TMOD3: variants seen among roughly 807,000 people sequenced by gnomAD.
TMOD3 encodes the protein tropomodulin 3, also known as tropomodulin-3.
Under a neutral mutation model 39.2 loss-of-function variants are expected in TMOD3, and 20 were observed. That is an observed-to-expected ratio of 0.51 (90% CI 0.36 to 0.74). The LOEUF (loss-of-function observed/expected upper bound fraction) is 0.74, where lower values mean the gene tolerates loss of function less well. Among genes scored for constraint, TMOD3 ranks in the 30% least tolerant of loss-of-function variants. TMOD3 has a pLI of 0.00. For missense variants in TMOD3, 381 were observed against 412.8 expected (o/e 0.92, Z 0.67); for synonymous variants, 143 against 145.8 (o/e 0.98, Z 0.14).
At chr15:51,897,633 C>T (rs1236586446) in intron 7 of TMOD3, among the ~76,000 whole-genome samples, 2 of 150,990 alleles carry the variant, frequency 1.3e-5, no homozygotes, top group Admixed American at 6.6e-5. Context: ...TACAGGCATG[C>T]GCCACCACGC....
chr15:51,859,318 C>A, intron 1 of TMOD3: 1 of 726,254 alleles, frequency 1.4e-6, no homozygotes, highest in Admixed American at 1.8e-5. Flanking sequence ...TTCAATGGTT[C>A]CTTGATACAA....
At chr15:51,860,645 T>C in intron 1 of TMOD3, 1 of 532,614 alleles carries the variant, frequency 1.9e-6, no homozygotes. Flanking sequence ...TACAAAAAAC[T>C]ACATAGGAGG....
At chr15:51,896,726 C>T (rs936296596) in intron 7 of TMOD3, among the ~76,000 whole-genome samples, 200 bp downstream of exon 7, 2 of 152,044 alleles carry the variant, frequency 1.3e-5, no homozygotes, top group East Asian at 1.9e-4. Context: ...CCAGCTTCCC[C>T]CTCCTTCCTA....
intron 1 of TMOD3, among the ~76,000 whole-genome samples, chr15:51,852,856 T>A (rs910437504): frequency 6.6e-6 from 1 of 152,192 alleles, no homozygotes; most frequent in Non-Finnish European, 1.5e-5. Context: ...GAGAGACAGG[T>A]GAAAGACTAA....
chr15:51,855,318 G>C (rs979819183), intron 1 of TMOD3, among the ~76,000 whole-genome samples: 15 of 152,202 alleles, frequency 9.9e-5, no homozygotes, highest in Non-Finnish European at 1.5e-4. Flanking sequence ...GCCCACCCCA[G>C]ACCTACTCAA....
intron 3 of TMOD3, among the ~76,000 whole-genome samples, chr15:51,874,098 G>A (rs937956403): frequency 1.3e-5 from 2 of 152,164 alleles, no homozygotes; most frequent in African/African-American, 4.8e-5. Flanking sequence ...CAGGACAGGA[G>A]GGAATCCTCA....
chr15:51,878,300 G>A (rs1422346272), intron 3 of TMOD3, among the ~76,000 whole-genome samples: 2 of 152,136 alleles, frequency 1.3e-5, no homozygotes, highest in Non-Finnish European at 2.9e-5. Flanking sequence ...GGGAGGCTGA[G>A]GCAGGAGGAT....
At chr15:51,863,632 G>C (rs2056430232) in intron 2 of TMOD3, among the ~76,000 whole-genome samples, 1 of 152,176 alleles carries the variant, frequency 6.6e-6, no homozygotes, top group African/African-American at 2.4e-5. Flanking sequence ...GTTATTCCCT[G>C]ATATGTTGGA....
intron 1 of TMOD3, among the ~76,000 whole-genome samples, chr15:51,861,622 G>A (rs2056419275): frequency 6.6e-6 from 1 of 150,864 alleles, no homozygotes; most frequent in Non-Finnish European, 1.5e-5. Context: ...AAATCACTAA[G>A]TCTAAAGTGT....
At chr15:51,888,271 G>A (rs2056575233) in intron 4 of TMOD3, among the ~76,000 whole-genome samples, 1 of 152,174 alleles carries the variant, frequency 6.6e-6, no homozygotes, top group African/African-American at 2.4e-5. Flanking sequence ...AGATAGAAAA[G>A]TGTGATGCAT....
intron 1 of TMOD3, among the ~76,000 whole-genome samples, chr15:51,846,422 G>A (rs986055899): frequency 2.0e-5 from 3 of 152,204 alleles, no homozygotes; most frequent in South Asian, 2.1e-4. Context: ...TGTTCACTGC[G>A]TAACATTCAA....
intron 2 of TMOD3, among the ~76,000 whole-genome samples, chr15:51,866,648 A>G (rs2056448563): frequency 6.6e-6 from 1 of 152,180 alleles, no homozygotes; most frequent in South Asian, 2.1e-4. Context: ...AAATAGCAAT[A>G]TATACATCTA....
intron 7 of TMOD3, among the ~76,000 whole-genome samples, chr15:51,897,392 C>G (rs2056626233): frequency 6.6e-6 from 1 of 151,544 alleles, no homozygotes; most frequent in African/African-American, 2.4e-5. Flanking sequence ...AAACTCCTGA[C>G]TTCCATCCTG....
intron 3 of TMOD3, among the ~76,000 whole-genome samples, chr15:51,874,537 A>G (rs761002724): frequency 3.9e-5 from 6 of 152,216 alleles, no homozygotes; most frequent in Non-Finnish European, 7.3e-5. Context: ...AATGGTGAAA[A>G]TTCTCAGTGC....
chr15:51,887,220 C>CAA (rs35718814), intron 3 of TMOD3, among the ~76,000 whole-genome samples: 7 of 104,742 alleles, frequency 6.7e-5, no homozygotes, highest in African/African-American at 2.0e-4. Flanking sequence ...GACTCCATCT[C>CAA]AAAAAAAAAA....
chr15:51,890,608 C>G (rs1248827128), intron 5 of TMOD3, among the ~76,000 whole-genome samples: 1 of 152,114 alleles, frequency 6.6e-6, no homozygotes, highest in East Asian at 1.9e-4. Flanking sequence ...AGAAAGCTGA[C>G]ATTTTAAAAT....
chr15:51,901,742 A>C (rs2554350), intron 8 of TMOD3, 150 bp from the exon 9 acceptor site: 320,168 of 755,464 alleles, frequency 0.42, 69,127 homozygotes, highest in Admixed American at 0.55. Context: ...ACAAATCAGT[A>C]CTTGGAACTA....
Position 51,869,366 on chromosome 15 carries a change from A to G in TMOD3, c.276A>G (p.Glu92=). Residue 92 remains glutamate (E), a synonymous_variant, in exon 3 of 10, where the codon GAA becomes GAG. Coordinates refer to ENST00000308580, the MANE Select transcript of TMOD3 (RefSeq NM_014547.5). ...AAGACTATGTGCCCTACACTGGAGA[A>G]AAAAAAGGTAAGCCCCAGAATTTTA... ...DREDYVPYTG[E]KKGKIFIPKQ... The G allele has an allele frequency of 6.2e-7, 1 of 1,609,902 alleles. No individual in the cohort carries two copies. Among genetic ancestry groups the G allele is most frequent in the Non-Finnish European group, 8.5e-7 (1 of 1,179,034 alleles).
intron 3 of TMOD3, among the ~76,000 whole-genome samples, chr15:51,881,522 G>C (rs1039408079): frequency 2.7e-5 from 4 of 147,702 alleles, no homozygotes; most frequent in Admixed American, 6.7e-5. Context: ...CTAATTCAAG[G>C]TCACGGAGAT....
Sources: allele counts gnomAD v4.1 joint callset (sites outside exome capture counted in the v4.1 genomes callset), GRCh38; gene constraint gnomAD v4.1.1; transcripts MANE v1.5; gene names NCBI Gene and HGNC (gene_info 2026-07-23, HGNC 2026-07-21).